The following CDH13 variants were observed in gnomAD, a reference collection of about 807,000 sequenced individuals.
CDH13 encodes cadherin-13.
In CDH13, 24 loss-of-function variants were observed where a neutral mutation model predicts 63.8. That is an observed-to-expected ratio of 0.38 (90% CI 0.27 to 0.53). The LOEUF is 0.53. Among genes scored for constraint, CDH13 ranks in the 20% least tolerant of loss-of-function variants. CDH13 has a pLI of 0.85. For synonymous variants in CDH13, 503 were observed against 355.3 expected, an observed-to-expected ratio of 1.42 and a Z score of -4.67; for missense variants, 1,049 against 903.1, an observed-to-expected ratio of 1.16 and a Z score of -2.07.
At chr16:82,853,369 T>C (rs2039570337) in intron 1 of CDH13, among the ~76,000 whole-genome samples, 1 of 152,238 alleles carries the variant, frequency 6.6e-6, no homozygotes, top group Non-Finnish European at 1.5e-5. Context: ...CCCTGGAGAA[T>C]ATCAGTGAAT....
At chr16:83,127,834 A>T (rs923049077) in intron 4 of CDH13, among the ~76,000 whole-genome samples, 1 of 152,214 alleles carries the variant, frequency 6.6e-6, no homozygotes, top group African/African-American at 2.4e-5. Flanking sequence ...CACTGTGCCA[A>T]AGATACCTTT....
At chr16:82,925,078 C>T (rs2042263467) in intron 2 of CDH13, among the ~76,000 whole-genome samples, 1 of 152,112 alleles carries the variant, frequency 6.6e-6, no homozygotes, top group Non-Finnish European at 1.5e-5. Context: ...CCAAACTTTC[C>T]CTGCCATGAA....
At chr16:83,512,667 C>CAAT (rs147859131) in intron 7 of CDH13, among the ~76,000 whole-genome samples, 4,205 of 148,812 alleles carry the variant, frequency 0.028, 205 homozygotes, top group African/African-American at 0.096. Context: ...GACTCCGTCT[C>CAAT]AATAATAATA....
chr16:82,962,976 T>C (rs537720545), intron 2 of CDH13, among the ~76,000 whole-genome samples: 1 of 152,322 alleles, frequency 6.6e-6, no homozygotes, highest in African/African-American at 2.4e-5. Context: ...TTTTTCTTCC[T>C]TTTGTAAAAG....
At chr16:83,184,129 C>G (rs894429231) in intron 4 of CDH13, among the ~76,000 whole-genome samples, 9 of 133,998 alleles carry the variant, frequency 6.7e-5, no homozygotes, top group Non-Finnish European at 1.1e-4. Context: ...CACACACATA[C>G]ACACACACAC....
intron 2 of CDH13, among the ~76,000 whole-genome samples, chr16:82,936,549 A>G (rs2042672470): frequency 1.3e-5 from 2 of 152,128 alleles, no homozygotes; most frequent in South Asian, 4.1e-4. Context: ...CTGCTGATCT[A>G]TAGGGTTTAT....
At chr16:83,497,882 T>G (rs981637151) in intron 7 of CDH13, among the ~76,000 whole-genome samples, 1 of 152,182 alleles carries the variant, frequency 6.6e-6, no homozygotes, top group African/African-American at 2.4e-5. Context: ...CTCACACTTA[T>G]TAATCATCAC....
intron 11 of CDH13, among the ~76,000 whole-genome samples, chr16:83,757,216 G>A (rs1913582686): frequency 6.6e-6 from 1 of 152,174 alleles, no homozygotes; most frequent in South Asian, 2.1e-4. Flanking sequence ...GTCAAAACTT[G>A]TGGGATGCAC....
In CDH13 at chr16:82,824,107, G is replaced by T. The variant is rs527307715; in HGVS notation, c.46-34255G>T. ...AGAGAGGCTATGAGATGTCATTAGG[G>T]TCATGTCATTTAAAGAAGCCAGTAT... On this transcript the variant is annotated intron_variant, in intron 1 of 13. Transcript: ENST00000567109. The T allele has an allele frequency of 3.9e-5, 6 of 152,236 alleles. No individual in the cohort carries two copies. In the South Asian group the frequency reaches 1.2e-3, roughly 32 times the overall value. The allele number at this position is 152,236 out of a possible 1,614,324, so 9.4% of individuals were successfully genotyped here.
At chr16:83,548,175 G>A (rs1598270488) in intron 7 of CDH13, among the ~76,000 whole-genome samples, 1 of 152,106 alleles carries the variant, frequency 6.6e-6, no homozygotes, top group South Asian at 2.1e-4. Flanking sequence ...GGGTGCCAGG[G>A]TGGGGAGAGG....
At chr16:82,937,629 A>G (rs1237990851) in intron 2 of CDH13, among the ~76,000 whole-genome samples, 1 of 152,234 alleles carries the variant, frequency 6.6e-6, no homozygotes, top group South Asian at 2.1e-4. Flanking sequence ...GCAAACAGAT[A>G]TATTGTTGCA....
intron 11 of CDH13, among the ~76,000 whole-genome samples, chr16:83,750,557 G>C (rs1369448932): frequency 6.6e-6 from 1 of 152,186 alleles, no homozygotes; most frequent in African/African-American, 2.4e-5. Context: ...TTAAGGTGAG[G>C]TCATGCTGGA....
At chr16:83,431,849 A>T (rs1194758278) in intron 6 of CDH13, among the ~76,000 whole-genome samples, 1 of 152,142 alleles carries the variant, frequency 6.6e-6, no homozygotes, top group African/African-American at 2.4e-5. Flanking sequence ...GGGGATTACT[A>T]TTCACTGTGA....
intron 1 of CDH13, among the ~76,000 whole-genome samples, chr16:82,679,424 A>C (rs1313253513): frequency 6.6e-6 from 1 of 152,236 alleles, no homozygotes; most frequent in Admixed American, 6.5e-5. Context: ...AAAGGTTTGC[A>C]AAGATTTACC....
At chr16:83,291,163 CTGTTCT>C (rs1164456387) in intron 5 of CDH13, among the ~76,000 whole-genome samples, 2 of 152,162 alleles carry the variant, frequency 1.3e-5, no homozygotes, top group Non-Finnish European at 1.5e-5. Flanking sequence ...TAGTGATCGG[CTGTTCT>C]CAATTAATGA....
chr16:83,648,921 A>G (rs757679048), intron 8 of CDH13, among the ~76,000 whole-genome samples: 2 of 151,638 alleles, frequency 1.3e-5, no homozygotes, highest in Non-Finnish European at 2.9e-5. Context: ...TCTGCACTCT[A>G]TCCCCAGCTC....
At chr16:83,559,174 C>T (rs564420769) in intron 7 of CDH13, among the ~76,000 whole-genome samples, 1 of 152,250 alleles carries the variant, frequency 6.6e-6, no homozygotes, top group African/African-American at 2.4e-5. Context: ...GTTAAGGAAG[C>T]AGTTCTGTGG....
chr16:83,417,750 TG>T lies in CDH13; in HGVS notation c.782-68726del, dbSNP rs1337202496. Among the ~76,000 whole-genome samples the T allele has an allele frequency of 3.3e-5, 5 of 152,146 alleles. No individual in the cohort carries two copies. In the South Asian group the frequency reaches 6.2e-4, roughly 19 times the overall value. On this transcript the variant is annotated intron_variant, in intron 6 of 13. Transcript: ENST00000567109. The stretch of plus-strand genomic sequence containing the variant: ...GATAGAATTCAAGGCTCAGCAGACA[TG>T]TATCTCCTGTTATATAAGCAATCAG...
At chr16:83,250,922 A>C (rs968840343) in intron 5 of CDH13, among the ~76,000 whole-genome samples, 2 of 152,086 alleles carry the variant, frequency 1.3e-5, no homozygotes, top group Non-Finnish European at 2.9e-5. Context: ...GTATTGAACT[A>C]TATGGAAGTA....
Sources: gnomAD v4.1 joint callset for allele counts (sites outside exome capture counted in the v4.1 genomes callset) on GRCh38, gnomAD v4.1.1 for gene constraint, MANE v1.5 for transcripts, NCBI Gene and HGNC (gene_info 2026-07-23, HGNC 2026-07-21) for gene names.